POLR2F: variants seen among roughly 807,000 people sequenced by gnomAD.
POLR2F encodes the protein DNA-directed RNA polymerases I, II, and III subunit RPABC2.
In POLR2F, 12 loss-of-function variants were observed where a neutral mutation model predicts 22.7. That is an observed-to-expected ratio of 0.53 (90% CI 0.34 to 0.86). POLR2F has a LOEUF of 0.86. POLR2F is among the 40% of genes least tolerant of loss of function. The pLI, the probability that POLR2F is intolerant of heterozygous loss-of-function variation, is 0.02. For synonymous variants in POLR2F, 57 were observed against 66.0 expected (o/e 0.86, Z 0.66); for missense variants, 126 against 171.5 (o/e 0.73, Z 1.48).
intron 4 of POLR2F, among the ~76,000 whole-genome samples, chr22:37,975,320 A>ATC (rs1932189077): frequency 6.6e-6 from 1 of 152,144 alleles, no homozygotes; most frequent in Non-Finnish European, 1.5e-5. Context: ...GACTTGGGAG[A>ATC]CCAGAGGAGG....
chr22:37,970,812 C>G (rs1932028262), downstream of POLR2F: 1 of 169,542 alleles, frequency 5.9e-6, no homozygotes, highest in African/African-American at 2.4e-5. Flanking sequence ...TCAAACCCAA[C>G]AAGGTGAGAT....
downstream of POLR2F, among the ~76,000 whole-genome samples, chr22:38,030,821 G>A (rs367889097): frequency 9.2e-5 from 14 of 152,166 alleles, no homozygotes; most frequent in East Asian, 1.9e-4. Flanking sequence ...CCTGGGGAGC[G>A]TGGTCAGTGG....
At chr22:38,004,279 G>C (rs936390776) in intron 1 of POLR2F, among the ~76,000 whole-genome samples, 1 of 152,118 alleles carries the variant, frequency 6.6e-6, no homozygotes, top group Non-Finnish European at 1.5e-5. Context: ...CACCACACCT[G>C]GCCAGGGGCT....
At position 37,986,421 on chromosome 22, in the gene POLR2F, G is replaced by A. The variant is rs771958019; in HGVS notation, c.120+109G>A. 47 of 1,532,108 alleles carry A rather than the reference G, an allele frequency of 3.1e-5. No individual in the cohort carries two copies. The African/African-American group carries it at 4.9e-4, about 16-fold the overall frequency. The allele number at this position is 1,532,108 out of a possible 1,614,324, so 94.9% of individuals were successfully genotyped here. On this transcript the variant is annotated intron_variant, in intron 1 of 2. Coordinates refer to the POLR2F transcript ENST00000333418. The surrounding 1 kb of genome is among the most constrained non-coding windows in gnomAD (Gnocchi z 4.7). ...GCCTGAGACCCGCCTGGGGCAGGAG[G>A]GGTGGTTGTGGAAGGAAAGAGCCCA... is the stretch of plus-strand genomic sequence containing the variant.
intron 1 of POLR2F, among the ~76,000 whole-genome samples, chr22:37,994,876 C>G (rs1356465730): frequency 6.6e-6 from 1 of 152,034 alleles, no homozygotes; most frequent in Non-Finnish European, 1.5e-5. Context: ...AACTCCTGAG[C>G]TCAAGCTATC....
At chr22:37,984,060 C>A, upstream of POLR2F, 1 of 270,870 alleles carries the variant, frequency 3.7e-6, no homozygotes, top group Non-Finnish European at 6.9e-6. This position sits in a 1 kb window ranked among gnomAD's most constrained non-coding sequence, Gnocchi z 4.4. Flanking sequence ...CCACCTGGTC[C>A]CAACCGTCTC....
chr22:37,968,169 A>G lies in POLR2F; in HGVS notation c.*454A>G. 1.0e-5 allele frequency: 10 copies of G among 985,582 alleles called. No homozygotes were observed. Among genetic ancestry groups the G allele is most frequent in the Non-Finnish European group, 1.2e-5 (10 of 830,066 alleles). The allele number at this position is 985,582 out of a possible 1,614,324, so 61.1% of individuals were successfully genotyped here. A position where few individuals can be genotyped will look rare whatever the true frequency, so the allele number is the denominator to read the frequency against. ...TCAAGCCACCCATTGTTTCCTAAGG[A>G]CCTGCTTCGAGCCTCTTATCGTGGG... On this transcript the variant is annotated 3_prime_UTR_variant, in exon 5 of 5. Transcript: ENST00000442738.
intron 1 of POLR2F, among the ~76,000 whole-genome samples, chr22:38,007,393 A>G: frequency 6.6e-6 from 1 of 152,118 alleles, no homozygotes; most frequent in Non-Finnish European, 1.5e-5. Context: ...GCTGGCAGAC[A>G]GAAGGGGGAC....
intron 1 of POLR2F, among the ~76,000 whole-genome samples, chr22:37,995,271 T>C (rs1374198737): frequency 1.3e-5 from 2 of 152,202 alleles, no homozygotes; most frequent in Non-Finnish European, 1.5e-5. Context: ...GGGTTGGACA[T>C]GTGAGCACGC....
At chr22:37,961,053 G>A (rs1168956653) in intron 3 of POLR2F, among the ~76,000 whole-genome samples, 2 of 147,872 alleles carry the variant, frequency 1.4e-5, no homozygotes, top group South Asian at 2.2e-4. Context: ...GTTTCACGGT[G>A]TTAGTCAGGA....
Position 37,967,879 on chromosome 22 carries a change from C to G in POLR2F, c.*164C>G. On this transcript the variant is annotated 3_prime_UTR_variant, in exon 5 of 5. Transcript: ENST00000442738. ...CCGCCATGCTGCGTGGAGCATGCAC[C>G]TATTCCAGTGGCCCTGTGACTGTCA... The G allele has an allele frequency of 1.5e-6, 2 of 1,373,762 alleles. No individual in the cohort carries two copies. The highest frequency in any genetic ancestry group is 1.9e-6 in the Non-Finnish European group (2 of 1,067,068). 85.1% of individuals were successfully genotyped at this position (1,373,762 alleles called of 1,614,324 possible).
chr22:37,976,347 C>T (rs550058207), intron 4 of POLR2F, among the ~76,000 whole-genome samples: 15 of 152,234 alleles, frequency 9.9e-5, no homozygotes, highest in Non-Finnish European at 1.6e-4. Flanking sequence ...GGGCGCATTC[C>T]ACCATGCCTA....
intron 1 of POLR2F, among the ~76,000 whole-genome samples, chr22:38,008,670 G>A (rs2084844904): frequency 6.6e-6 from 1 of 151,630 alleles, no homozygotes; most frequent in Admixed American, 6.6e-5. Context: ...TCAGGAGTTC[G>A]AGACCAGGCT....
chr22:37,972,246 T>G, downstream of POLR2F: 1 of 1,302,040 alleles, frequency 7.7e-7, no homozygotes, highest in South Asian at 1.2e-5. Context: ...CCAGAAAGCA[T>G]TTGAGGAAGC....
At chr22:38,028,387 C>T, downstream of POLR2F, among the ~76,000 whole-genome samples, 1 of 152,134 alleles carries the variant, frequency 6.6e-6, no homozygotes, top group South Asian at 2.1e-4. Context: ...GGTCAACACA[C>T]CTGGATGGCA....
chr22:38,022,128 CAA>C (rs11315200), intron 1 of POLR2F, among the ~76,000 whole-genome samples: 2,329 of 134,370 alleles, frequency 0.017, 60 homozygotes, highest in African/African-American at 0.056. Flanking sequence ...GATACTGTCT[CAA>C]AAAAAAAAAA....
At chr22:38,025,817 A>AT in intron 1 of POLR2F, 1 of 1,444,962 alleles carries the variant, frequency 6.9e-7, no homozygotes, top group South Asian at 1.2e-5. Context: ...CATGGCCAGC[A>AT]TGGTGTTTCC....
intron 4 of POLR2F, chr22:37,967,395 C>T (rs193083518): frequency 2.8e-6 from 4 of 1,435,954 alleles, no homozygotes; most frequent in South Asian, 3.0e-5. Context: ...TTGGAATTTC[C>T]CTGTTCCTGC....
At chr22:38,014,919 C>A (rs1447123021) in intron 1 of POLR2F, among the ~76,000 whole-genome samples, 1 of 150,160 alleles carries the variant, frequency 6.7e-6, no homozygotes, top group Non-Finnish European at 1.5e-5. Context: ...GCCATTCTCC[C>A]ACCTCAGCTT....
Sources: allele counts gnomAD v4.1 joint callset (sites outside exome capture counted in the v4.1 genomes callset), GRCh38; gene constraint gnomAD v4.1.1; non-coding constraint Gnocchi (gnomAD v3.1); transcripts MANE v1.5; gene names NCBI Gene and HGNC (gene_info 2026-07-23, HGNC 2026-07-21).